The following PRMT8 variants were observed in gnomAD, a reference collection of about 807,000 sequenced individuals.
PRMT8 encodes protein arginine N-methyltransferase 8.
Under a neutral mutation model 47.1 loss-of-function variants are expected in PRMT8, and 7 were observed. The ratio of observed to expected loss-of-function variants is 0.15; its 90% CI spans 0.08 to 0.28. The LOEUF (loss-of-function observed/expected upper bound fraction) is 0.28, where lower values mean the gene tolerates loss of function less well. Among genes scored for constraint, PRMT8 ranks in the 10% least tolerant of loss-of-function variants. The probability of loss-of-function intolerance (pLI) is 1.00; values close to 1 mark genes in which losing one functional copy is unlikely to be tolerated. For missense variants in PRMT8, 237 were observed against 505.4 expected (o/e 0.47, Z 5.09); for synonymous variants, 188 against 186.5 (o/e 1.01, Z -0.07).
intron 1 of PRMT8, among the ~76,000 whole-genome samples, chr12:3,403,820 T>C (rs7310280): frequency 0.26 from 36,323 of 137,070 alleles, 4,726 homozygotes; most frequent in Middle Eastern, 0.36. Flanking sequence ...GAGGTTGCAG[T>C]GAGCCAAGAT....
rs534454094 is a variant in PRMT8 at position 3,457,935 on chromosome 12, C to T, written c.48+76493C>T. 5.4e-5 allele frequency among the ~76,000 whole-genome samples: 8 copies of T among 149,384 alleles called. No homozygotes were observed. In the East Asian group the frequency reaches 6.0e-4, roughly 11 times the overall value. On this transcript the variant is annotated intron_variant, in intron 1 of 9. Coordinates refer to the PRMT8 transcript ENST00000452611. ...TCAGCTCACTGCAACCTCCACCTCC[C>T]GGGTTCAAGTGATTCCCCTGCCTCA...
Position 3,552,552 on chromosome 12 carries a change from G to T in PRMT8, c.418-1099G>T. ...TGACATGGCCAGAGGGGGAGAAGAAGAGGAGGGAATCACACCCCACAGACA... is the reference window on the plus strand; with the variant it reads ...TGACATGGCCAGAGGGGGAGAAGAATAGGAGGGAATCACACCCCACAGACA... On this transcript the variant is annotated intron_variant, in intron 3 of 9. Transcript: ENST00000382622. The surrounding 1 kb of genome is among the most constrained non-coding windows in gnomAD (Gnocchi z 4.5). The T allele has an allele frequency of 3.0e-6, 1 of 330,820 alleles. No individual in the cohort carries two copies. The highest frequency in any genetic ancestry group is 6.1e-6 in the Non-Finnish European group (1 of 164,082). 20.5% of individuals were successfully genotyped at this position (330,820 alleles called of 1,614,324 possible).
chr12:3,513,600 C>T (rs184885102), intron 1 of PRMT8, among the ~76,000 whole-genome samples: 17 of 152,278 alleles, frequency 1.1e-4, no homozygotes, highest in Admixed American at 4.6e-4. Flanking sequence ...TTAGGGAATG[C>T]GTGCGCTCCG....
intron 1 of PRMT8, among the ~76,000 whole-genome samples, chr12:3,433,878 AC>A (rs1461678229): frequency 1.3e-5 from 2 of 152,228 alleles, no homozygotes; most frequent in African/African-American, 4.8e-5. Flanking sequence ...TGCTGGGATT[AC>A]AGGCGTGAGC....
intron 1 of PRMT8, chr12:3,381,564 C>T (rs1334823710): frequency 2.2e-6 from 2 of 894,122 alleles, no homozygotes; most frequent in Non-Finnish European, 3.5e-6. Flanking sequence ...AGAGCCTGCT[C>T]ACGTCTCTGT....
intron 1 of PRMT8, among the ~76,000 whole-genome samples, chr12:3,384,526 C>T (rs1461477771): frequency 1.3e-5 from 2 of 152,154 alleles, no homozygotes; most frequent in Non-Finnish European, 2.9e-5. Flanking sequence ...TTGGCTAATT[C>T]AGCATCTCAG....
intron 1 of PRMT8, among the ~76,000 whole-genome samples, chr12:3,394,090 TCAG>T (rs1253301309): frequency 6.8e-6 from 1 of 147,422 alleles, no homozygotes; most frequent in African/African-American, 2.5e-5. Context: ...AAGTTGCTTA[TCAG>T]CTTAAGGAGA....
At chr12:3,475,397 A>G (rs560250405) in intron 1 of PRMT8, among the ~76,000 whole-genome samples, 1 of 152,282 alleles carries the variant, frequency 6.6e-6, no homozygotes, top group East Asian at 1.9e-4. Flanking sequence ...TTTACCACCA[A>G]ACTGGTTTTA....
chr12:3,545,465 C>G (rs1476914410), intron 2 of PRMT8, among the ~76,000 whole-genome samples: 1 of 152,190 alleles, frequency 6.6e-6, no homozygotes, highest in Non-Finnish European at 1.5e-5. Context: ...CCAACCAAAC[C>G]CCCACCTTAT....
chr12:3,471,273 G>C (rs1447476829), intron 1 of PRMT8, among the ~76,000 whole-genome samples: 1 of 152,058 alleles, frequency 6.6e-6, no homozygotes, highest in African/African-American at 2.4e-5. Context: ...GAGTGCGGTG[G>C]CTTGCTCTGC....
At chr12:3,560,429 A>G (rs993025442) in intron 4 of PRMT8, among the ~76,000 whole-genome samples, 2 of 152,194 alleles carry the variant, frequency 1.3e-5, no homozygotes, top group South Asian at 2.1e-4. Context: ...CAGCCTTCAC[A>G]TGGCTTCTTC....
At chr12:3,437,123 G>A (rs568091729) in intron 1 of PRMT8, among the ~76,000 whole-genome samples, 2 of 152,244 alleles carry the variant, frequency 1.3e-5, no homozygotes, top group African/African-American at 4.8e-5. Flanking sequence ...CCAACACTGA[G>A]TTTGCACTGT....
intron 3 of PRMT8, 188 bp from the exon 4 acceptor site, chr12:3,553,463 C>T (rs575997584): frequency 2.6e-5 from 16 of 614,018 alleles, no homozygotes; most frequent in South Asian, 5.9e-5. Flanking sequence ...AGCCCAATTT[C>T]GTGGAAGGCC....
At chr12:3,587,573 C>G (rs1363493485) in intron 8 of PRMT8, among the ~76,000 whole-genome samples, 1 of 152,058 alleles carries the variant, frequency 6.6e-6, no homozygotes, top group African/African-American at 2.4e-5. Flanking sequence ...TCCTGGATGC[C>G]CCACCCCATC....
intron 1 of PRMT8, among the ~76,000 whole-genome samples, chr12:3,416,198 A>T (rs930976781): frequency 1.3e-5 from 2 of 152,168 alleles, no homozygotes; most frequent in African/African-American, 4.8e-5. Flanking sequence ...TGGTGGCTTC[A>T]TGCTGAGTTA....
intron 1 of PRMT8, among the ~76,000 whole-genome samples, chr12:3,469,590 G>A (rs961419099): frequency 2.0e-5 from 3 of 152,232 alleles, no homozygotes; most frequent in South Asian, 4.1e-4. Flanking sequence ...AGGAGTGACC[G>A]TTGGCCAGAA....
At chr12:3,433,617 AT>A (rs879451814) in intron 1 of PRMT8, among the ~76,000 whole-genome samples, 451 of 145,812 alleles carry the variant, frequency 3.1e-3, no homozygotes, top group Admixed American at 3.6e-3. Context: ...TAGTGACAAG[AT>A]TTTTTTTTTT....
chr12:3,383,882 G>A (rs1226797538), intron 1 of PRMT8, among the ~76,000 whole-genome samples: 5 of 152,110 alleles, frequency 3.3e-5, no homozygotes, highest in Non-Finnish European at 2.9e-5. Context: ...TGTTCATGCT[G>A]GTATATGGTG....
intron 1 of PRMT8, among the ~76,000 whole-genome samples, chr12:3,399,492 T>A (rs1341555225): frequency 6.6e-6 from 1 of 152,132 alleles, no homozygotes; most frequent in East Asian, 1.9e-4. Flanking sequence ...TGCAGCAGGT[T>A]TGTCTATAAT....
Sources: gnomAD v4.1 joint callset for allele counts (sites outside exome capture counted in the v4.1 genomes callset) on GRCh38, gnomAD v4.1.1 for gene constraint, Gnocchi (gnomAD v3.1) non-coding constraint, MANE v1.5 for transcripts, NCBI Gene and HGNC (gene_info 2026-07-23, HGNC 2026-07-21) for gene names.